PKNOX2: variants seen among roughly 807,000 people sequenced by gnomAD.
PKNOX2 encodes homeobox protein PKNOX2.
PKNOX2 carries 14 observed loss-of-function variants against 53.1 expected under a neutral mutation model. The observed-to-expected ratio is 0.26, with a 90% CI of 0.17 to 0.41. The LOEUF (loss-of-function observed/expected upper bound fraction) is 0.41. Ranked by LOEUF, PKNOX2 falls within the 10% of genes least tolerant of loss-of-function variation. The pLI is 1.00. For missense variants in PKNOX2, 496 were observed against 602.8 expected, an observed-to-expected ratio of 0.82 and a Z score of 1.85; for synonymous variants, 257 against 242.8, an observed-to-expected ratio of 1.06 and a Z score of -0.54.
chr11:125,185,996 A>G lies in PKNOX2; in HGVS notation c.-201+21220A>G, dbSNP rs143541642. 2.5e-4 allele frequency among the ~76,000 whole-genome samples: 38 copies of G among 152,224 alleles called. 2 individuals carry two copies. In the East Asian group the frequency reaches 7.1e-3, roughly 29 times the overall value. Reference sequence around the variant, plus strand: ...GCACTATTTTACATTCCCACCAGCAATGCACAAGAATCTCAATTTTTTTCA... The same window carrying G: ...GCACTATTTTACATTCCCACCAGCAGTGCACAAGAATCTCAATTTTTTTCA... On this transcript the variant is annotated intron_variant, in intron 1 of 12. Coordinates refer to ENST00000298282, the MANE Select transcript of PKNOX2 (RefSeq NM_001382323.2).
chr11:125,341,913 C>T lies in PKNOX2; in HGVS notation c.-22-9371C>T, dbSNP rs1210237452. Among the ~76,000 whole-genome samples the T allele has an allele frequency of 3.3e-5, 5 of 152,158 alleles. No homozygotes were observed. In the South Asian group the frequency reaches 1.0e-3, roughly 31 times the overall value. On this transcript the variant is annotated intron_variant, in intron 3 of 12. Transcript: ENST00000298282. ...AGCTCAGGAACACAGAGCCAGTGTA[C>T]CCGCCCTCCTTCCAAGGGGGTGGTG...
chr11:125,234,710 G>T (rs73617595), intron 1 of PKNOX2, among the ~76,000 whole-genome samples: 3,922 of 151,656 alleles, frequency 0.026, 159 homozygotes, highest in African/African-American at 0.089. Flanking sequence ...TTATTACCTT[G>T]GTCAGCTCAG....
intron 1 of PKNOX2, chr11:125,191,299 C>G (rs1295039428): frequency 6.6e-6 from 1 of 152,178 alleles, no homozygotes; most frequent in East Asian, 1.9e-4. Flanking sequence ...CTCCAGTCAC[C>G]ACAGGCTACT....
At chr11:125,426,174 A>G (rs1956404503) in intron 10 of PKNOX2, among the ~76,000 whole-genome samples, 1 of 152,232 alleles carries the variant, frequency 6.6e-6, no homozygotes, top group Non-Finnish European at 1.5e-5. Flanking sequence ...GAGGCCGTTA[A>G]TAGTGGAAGA....
At chr11:125,285,711 A>G (rs1177309682) in intron 2 of PKNOX2, among the ~76,000 whole-genome samples, 7 of 152,214 alleles carry the variant, frequency 4.6e-5, no homozygotes, top group African/African-American at 1.7e-4. Flanking sequence ...TGATTGTTAA[A>G]TTTTCAGAAA....
intron 2 of PKNOX2, among the ~76,000 whole-genome samples, chr11:125,298,468 C>A (rs1947805397): frequency 6.6e-6 from 1 of 152,162 alleles, no homozygotes; most frequent in Non-Finnish European, 1.5e-5. Flanking sequence ...GGAGGGCTTT[C>A]TAAAACTGGA....
chr11:125,336,918 T>A (rs1361961418), intron 3 of PKNOX2, among the ~76,000 whole-genome samples: 2 of 148,416 alleles, frequency 1.3e-5, no homozygotes, highest in East Asian at 3.9e-4. Flanking sequence ...ATAATACATA[T>A]GTATGCTGTG....
chr11:125,414,598 C>G (rs1489449374), intron 10 of PKNOX2, among the ~76,000 whole-genome samples: 1 of 152,168 alleles, frequency 6.6e-6, no homozygotes. Context: ...CACACCCTCC[C>G]CAATCCTCAG....
At chr11:125,217,272 C>T (rs996986373) in intron 1 of PKNOX2, among the ~76,000 whole-genome samples, 1 of 152,162 alleles carries the variant, frequency 6.6e-6, no homozygotes, top group Admixed American at 6.5e-5. Context: ...CCTCTCTGGA[C>T]ACCTTATTAG....
intron 1 of PKNOX2, among the ~76,000 whole-genome samples, chr11:125,198,895 T>C (rs961985749): frequency 2.7e-5 from 4 of 150,666 alleles, no homozygotes; most frequent in African/African-American, 9.8e-5. Context: ...GGCTGGAGTG[T>C]GGTGGCACGA....
chr11:125,327,649 C>T (rs553704396), intron 2 of PKNOX2, among the ~76,000 whole-genome samples: 28 of 152,274 alleles, frequency 1.8e-4, no homozygotes, highest in East Asian at 3.9e-4. Context: ...AGGATGGCCG[C>T]GGCCATCAGG....
chr11:125,216,728 T>A lies in PKNOX2; in HGVS notation c.-200-18317T>A, dbSNP rs181506239. ...AGCCCACTGCATTTCCGAAGGTGCT[T>A]CCTCCCTCCCTCCTCCCTCCTCCCC... On this transcript the variant is annotated intron_variant, in intron 1 of 12. Coordinates refer to ENST00000298282, the MANE Select transcript of PKNOX2 (RefSeq NM_001382323.2). 7.7e-4 allele frequency among the ~76,000 whole-genome samples: 117 copies of A among 152,148 alleles called. 1 individual carries two copies. Among genetic ancestry groups the A allele is most frequent in the Non-Finnish European group, 1.3e-3 (88 of 67,978 alleles).
intron 2 of PKNOX2, among the ~76,000 whole-genome samples, chr11:125,303,087 G>A (rs1168985727): frequency 6.6e-6 from 1 of 152,180 alleles, no homozygotes; most frequent in East Asian, 1.9e-4. Context: ...GCTGGGTGCT[G>A]AGAGCCAGGT....
At chr11:125,418,797 C>T (rs1458508346) in intron 10 of PKNOX2, among the ~76,000 whole-genome samples, 1 of 152,042 alleles carries the variant, frequency 6.6e-6, no homozygotes, top group Admixed American at 6.5e-5. Context: ...TTGCATCTGT[C>T]CTGAACATGT....
At chr11:125,331,007 C>T (rs892564001) in intron 2 of PKNOX2, among the ~76,000 whole-genome samples, 2 of 151,860 alleles carry the variant, frequency 1.3e-5, no homozygotes, top group African/African-American at 2.4e-5. Flanking sequence ...CTCAGAGCAG[C>T]CCCCTCCCCC....
chr11:125,316,042 T>G (rs2136036907), intron 2 of PKNOX2, among the ~76,000 whole-genome samples: 1 of 152,254 alleles, frequency 6.6e-6, no homozygotes, highest in South Asian at 2.1e-4. Context: ...GAGGACACCA[T>G]GACAACAGCA....
At chr11:125,199,920 G>A (rs762435308) in intron 1 of PKNOX2, among the ~76,000 whole-genome samples, 3 of 152,208 alleles carry the variant, frequency 2.0e-5, no homozygotes, top group African/African-American at 4.8e-5. Context: ...TGGACTGGAC[G>A]AGACAGGAGC....
intron 2 of PKNOX2, chr11:125,277,626 A>T (rs1946263804): frequency 1.3e-5 from 2 of 152,254 alleles, no homozygotes; most frequent in Non-Finnish European, 2.9e-5. Context: ...CACAAGGATG[A>T]CACACAAATT....
intron 2 of PKNOX2, among the ~76,000 whole-genome samples, chr11:125,330,044 G>A (rs114500602): frequency 1.3e-5 from 2 of 152,106 alleles, no homozygotes; most frequent in Non-Finnish European, 2.9e-5. Context: ...CACCTGTCCC[G>A]GTAGCTCTGC....
Sources: gnomAD v4.1 joint callset for allele counts (sites outside exome capture counted in the v4.1 genomes callset) on GRCh38, gnomAD v4.1.1 for gene constraint, MANE v1.5 for transcripts, NCBI Gene and HGNC (gene_info 2026-07-23, HGNC 2026-07-21) for gene names.